Variants in ZNF654 observed in about 807,000 individuals in gnomAD.
ZNF654 encodes the protein zinc finger protein 654, also known as melanoma-associated antigen.
ZNF654 carries 19 observed loss-of-function variants against 95.3 expected under a neutral mutation model. That is an observed-to-expected ratio of 0.20 (90% CI 0.14 to 0.29). The LOEUF (loss-of-function observed/expected upper bound fraction) is 0.29. Among genes scored for constraint, ZNF654 ranks in the 10% least tolerant of loss-of-function variants. The probability of loss-of-function intolerance (pLI) is 1.00; values close to 1 mark genes in which losing one functional copy is unlikely to be tolerated. For missense variants in ZNF654, 1,046 were observed against 1,341.0 expected (o/e 0.78, Z 3.44); for synonymous variants, 413 against 457.9 (o/e 0.90, Z 1.25).
chr3:88,127,163 G>A (rs1706159049), intron 4 of ZNF654, among the ~76,000 whole-genome samples: 1 of 152,060 alleles, frequency 6.6e-6, no homozygotes, highest in Admixed American at 6.6e-5. Flanking sequence ...AGACAGCCAA[G>A]GGGAAAAAAA....
chr3:88,108,754 G>A lies in ZNF654; in HGVS notation c.333-4361G>A, dbSNP rs527741705. ...TAATGGCCCCAAAGCCAAGAGTAGT[G>A]ATGCCAGTAATTCATATATGCCAAA... On this transcript the variant is annotated intron_variant, in intron 2 of 8. Transcript: ENST00000636215. Among the ~76,000 whole-genome samples the A allele has an allele frequency of 3.0e-4, 46 of 152,110 alleles. No homozygotes were observed. The South Asian group carries it at 8.9e-3, about 30-fold the overall frequency.
In ZNF654 at chr3:88,139,478, T is replaced by G. The variant is rs770224926; in HGVS notation, c.1809T>G (p.Ile603Met). 6.2e-7 allele frequency: 1 copy of G among 1,613,772 alleles called. No individual in the cohort carries two copies. The highest frequency in any genetic ancestry group is 1.1e-5 in the South Asian group (1 of 91,058). Residue 603 changes from isoleucine (I) to methionine (M), a missense_variant, in exon 8 of 9, where the codon ATT (isoleucine) becomes ATG (methionine). Coordinates refer to ENST00000636215, the MANE Select transcript of ZNF654 (RefSeq NM_001350134.2). ...NHVKKIQRQQIAAAQQDDQEV... is the reference protein window; with the variant it reads ...NHVKKIQRQQMAAAQQDDQEV... ...TTAAGAAGATACAGAGGCAGCAAAT[T>G]GCTGCAGCTCAACAGGATGATCAGG... is the stretch of plus-strand genomic sequence containing the variant.
intron 5 of ZNF654, 76 bp downstream of exon 5, chr3:88,129,087 CTGT>C (rs1706284522): frequency 8.4e-6 from 9 of 1,068,802 alleles, no homozygotes; most frequent in South Asian, 3.4e-5. Context: ...AAGTAGCCCA[CTGT>C]TGTTGTTAAA....
At chr3:88,076,038 A>G (rs965561223) in intron 1 of ZNF654, among the ~76,000 whole-genome samples, 9 of 152,238 alleles carry the variant, frequency 5.9e-5, no homozygotes, top group Non-Finnish European at 1.0e-4. Context: ...GCACAATGCC[A>G]TACTGTATGT....
chr3:88,140,065 C>T lies in ZNF654; in HGVS notation c.2396C>T (p.Ser799Phe), dbSNP rs1707027288. 6.2e-7 allele frequency: 1 copy of T among 1,613,746 alleles called. No homozygotes were observed. Among genetic ancestry groups the T allele is most frequent in the Non-Finnish European group, 8.5e-7 (1 of 1,179,760 alleles). The change falls in exon 8 of 9, where the codon TCT becomes TTT. Residue 799 changes from serine (S) to phenylalanine (F), a missense_variant. Physicochemically the swap from Ser to Phe is radical, Grantham distance 155 (BLOSUM62 -2). Coordinates refer to ENST00000636215, the MANE Select transcript of ZNF654 (RefSeq NM_001350134.2). ...TTTTGTCAAAGGCAATTTGAAGATTCTCAACATTTTATAGACCACCTTAAT... is the reference window on the plus strand; with the variant it reads ...TTTTGTCAAAGGCAATTTGAAGATTTTCAACATTTTATAGACCACCTTAAT... The part of the protein sequence containing the change: ...CKFCQRQFED[S>F]QHFIDHLNRH...
At chr3:88,068,313 A>T (rs76951737) in intron 1 of ZNF654, among the ~76,000 whole-genome samples, 1,613 of 152,206 alleles carry the variant, frequency 0.011, 29 homozygotes, top group African/African-American at 0.036. Flanking sequence ...TGAGACAGAA[A>T]GGGACAGGTT....
chr3:88,079,853 C>T (rs1707992718), intron 1 of ZNF654, among the ~76,000 whole-genome samples: 2 of 152,048 alleles, frequency 1.3e-5, no homozygotes, highest in Non-Finnish European at 2.9e-5. Flanking sequence ...ACTAAGCCCC[C>T]AGAAATACCA....
intron 6 of ZNF654, among the ~76,000 whole-genome samples, chr3:88,130,921 A>T (rs533897455): frequency 6.6e-6 from 1 of 152,268 alleles, no homozygotes; most frequent in African/African-American, 2.4e-5. Context: ...TACCATGTAA[A>T]TTGGAATTTC....
At chr3:88,106,282 T>G (rs899818656) in intron 2 of ZNF654, among the ~76,000 whole-genome samples, 5 of 152,196 alleles carry the variant, frequency 3.3e-5, no homozygotes, top group Non-Finnish European at 7.4e-5. Flanking sequence ...ATTATTGTTA[T>G]AGGGATGTTA....
intron 2 of ZNF654, among the ~76,000 whole-genome samples, chr3:88,106,229 T>C (rs372577791): frequency 1.3e-5 from 2 of 152,386 alleles, no homozygotes; most frequent in Admixed American, 1.3e-4. Context: ...TCTGATGATA[T>C]GTCAATCCTA....
At chr3:88,132,751 A>G (rs1398778729) in intron 6 of ZNF654, among the ~76,000 whole-genome samples, 5 of 152,178 alleles carry the variant, frequency 3.3e-5, no homozygotes, top group Non-Finnish European at 5.9e-5. Flanking sequence ...TATCTCTCTT[A>G]ATTCTTTTAA....
intron 1 of ZNF654, among the ~76,000 whole-genome samples, chr3:88,078,274 G>A (rs1198518073): frequency 6.6e-6 from 1 of 152,136 alleles, no homozygotes. Context: ...TAGACCCTCT[G>A]CTTTGCATAG....
chr3:88,126,019 T>G (rs1706079476), intron 3 of ZNF654, 115 bp from the exon 4 acceptor site: 1 of 1,155,810 alleles, frequency 8.7e-7, no homozygotes, highest in Non-Finnish European at 1.2e-6. Flanking sequence ...ACCCTTTCTC[T>G]TTTATAATTT....
At chr3:88,113,662 C>T (rs1705224280) in intron 3 of ZNF654, among the ~76,000 whole-genome samples, 1 of 152,060 alleles carries the variant, frequency 6.6e-6, no homozygotes, top group African/African-American at 2.4e-5. Context: ...ACAAAAGAGT[C>T]AAGACCTCTC....
chr3:88,126,412 T>C (rs373961138), intron 4 of ZNF654, 143 bp downstream of exon 4: 4 of 1,009,466 alleles, frequency 4.0e-6, no homozygotes, highest in Middle Eastern at 3.6e-4. Context: ...GAAAAGTGTT[T>C]GTTTTTCTAA....
intron 2 of ZNF654, among the ~76,000 whole-genome samples, chr3:88,112,087 GT>G (rs1363386374): frequency 6.6e-6 from 1 of 151,628 alleles, no homozygotes; most frequent in African/African-American, 2.4e-5. Flanking sequence ...TTGGTTTTAC[GT>G]TTTTTGGTCT....
intron 2 of ZNF654, among the ~76,000 whole-genome samples, chr3:88,107,408 ATCTT>A (rs927944686): frequency 2.6e-5 from 4 of 152,112 alleles, no homozygotes; most frequent in African/African-American, 9.7e-5. Context: ...AACAATCTAT[ATCTT>A]TCTCTGTTTA....
chr3:88,078,376 C>G lies in ZNF654; in HGVS notation c.187-7881C>G, dbSNP rs557958564. On this transcript the variant is annotated intron_variant, in intron 1 of 8. Transcript: ENST00000636215. ...CTAAATGTGGTTAAACGTATTAAAGCCCAAAACAGGTAGGGAAAGCTGGTA... is the reference window on the plus strand; with the variant it reads ...CTAAATGTGGTTAAACGTATTAAAGGCCAAAACAGGTAGGGAAAGCTGGTA... 5.9e-5 allele frequency among the ~76,000 whole-genome samples: 9 copies of G among 152,206 alleles called. No homozygotes were observed. In the East Asian group the frequency reaches 1.7e-3, roughly 29 times the overall value.
At chr3:88,109,197 A>G (rs1215871024) in intron 2 of ZNF654, among the ~76,000 whole-genome samples, 1 of 147,732 alleles carries the variant, frequency 6.8e-6, no homozygotes, top group Non-Finnish European at 1.5e-5. Flanking sequence ...AAAACCGTTA[A>G]CTTTTTCCTC....
Sources: allele counts gnomAD v4.1 joint callset (sites outside exome capture counted in the v4.1 genomes callset), GRCh38; gene constraint gnomAD v4.1.1; transcripts MANE v1.5; gene names NCBI Gene and HGNC (gene_info 2026-07-23, HGNC 2026-07-21).